GALNT9: variants seen among roughly 807,000 people sequenced by gnomAD.
GALNT9 encodes GalNAc transferase 9.
GALNT9 carries 47 observed loss-of-function variants against 63.1 expected under a neutral mutation model. The observed-to-expected ratio is 0.75, with a 90% CI of 0.59 to 0.95. The LOEUF (loss-of-function observed/expected upper bound fraction) is 0.95. Among genes scored for constraint, GALNT9 ranks in the 40% least tolerant of loss-of-function variants. The pLI, the probability that GALNT9 is intolerant of heterozygous loss-of-function variation, is 0.00. For synonymous variants in GALNT9, 396 were observed against 365.7 expected (o/e 1.08, Z -0.94); for missense variants, 829 against 874.8 (o/e 0.95, Z 0.66).
chr12:132,213,767 A>C (rs1367066632), intron 6 of GALNT9, among the ~76,000 whole-genome samples: 4 of 152,226 alleles, frequency 2.6e-5, no homozygotes, highest in Non-Finnish European at 5.9e-5. Context: ...TCCAGGTGGC[A>C]CCGGGGACCT....
intron 1 of GALNT9, among the ~76,000 whole-genome samples, chr12:132,317,807 G>C (rs1421413188): frequency 6.6e-6 from 1 of 152,218 alleles, no homozygotes; most frequent in Non-Finnish European, 1.5e-5. Context: ...AGGGGTATCG[G>C]TGGGGCTGCA....
At chr12:132,322,665 G>T (rs782767554) in intron 1 of GALNT9, among the ~76,000 whole-genome samples, 5 of 152,176 alleles carry the variant, frequency 3.3e-5, no homozygotes, top group African/African-American at 4.8e-5. Context: ...AGGCATGGGA[G>T]GGGGGTTTGC....
At chr12:132,306,018 T>C (rs34633377) in intron 1 of GALNT9, among the ~76,000 whole-genome samples, 72,639 of 151,968 alleles carry the variant, frequency 0.48, 18,376 homozygotes, top group African/African-American at 0.66. Context: ...GGGGGGCTCA[T>C]GGCGGGGCCC....
intron 9 of GALNT9, among the ~76,000 whole-genome samples, chr12:132,198,442 G>GCCT (rs1181654911): frequency 3.3e-5 from 5 of 150,648 alleles, no homozygotes; most frequent in South Asian, 2.1e-4. Context: ...CTGGGGCTGG[G>GCCT]GCTGGGCCTG....
rs958908187 is a variant in GALNT9 at position 132,296,132 on chromosome 12, G to A, written c.239-9702C>T. Reference sequence around the variant, plus strand: ...AACAGGGAGAGCCTCTGAACAGGGAGAGCCTCTGAACAGGGACGGCCTCCG... The same window carrying A: ...AACAGGGAGAGCCTCTGAACAGGGAAAGCCTCTGAACAGGGACGGCCTCCG... On this transcript the variant is annotated intron_variant, in intron 1 of 10. Coordinates refer to ENST00000328957, the MANE Select transcript of GALNT9 (RefSeq NM_001122636.2). The surrounding 1 kb of genome is among the most constrained non-coding windows in gnomAD (Gnocchi z 4.2). Among the ~76,000 whole-genome samples, 21 of 150,486 alleles carry A rather than the reference G, an allele frequency of 1.4e-4. No homozygotes were observed. Among genetic ancestry groups the A allele is most frequent in the Non-Finnish European group, 2.5e-4 (17 of 67,510 alleles).
At chr12:132,277,662 C>T (rs1341786046) in intron 2 of GALNT9, 1 of 152,306 alleles carries the variant, frequency 6.6e-6, no homozygotes, top group Non-Finnish European at 1.5e-5. Flanking sequence ...CCCCGCGGCC[C>T]CGGCTCTGCT....
intron 1 of GALNT9, among the ~76,000 whole-genome samples, chr12:132,301,759 C>A (rs1555243859): frequency 6.6e-6 from 1 of 152,246 alleles, no homozygotes; most frequent in Non-Finnish European, 1.5e-5. Context: ...CCTTCATGAC[C>A]CTGGACAGGG....
intron 1 of GALNT9, among the ~76,000 whole-genome samples, chr12:132,311,349 C>T (rs1049496445): frequency 2.0e-5 from 3 of 152,132 alleles, no homozygotes; most frequent in Non-Finnish European, 2.9e-5. Flanking sequence ...GCAGCCTCGG[C>T]GTGGTCCAAG....
chr12:132,282,055 G>A lies in GALNT9; in HGVS notation c.419+4195C>T, dbSNP rs111819672. On this transcript the variant is annotated intron_variant, in intron 2 of 10. Coordinates refer to ENST00000328957, the MANE Select transcript of GALNT9 (RefSeq NM_001122636.2). This position sits in a 1 kb window ranked among gnomAD's most constrained non-coding sequence, Gnocchi z 4.5. ...CCACAGAGGAGGAATCAGCTCCACT[G>A]CAGCAAGCCCAGGCCTGGGGGTCCC... is the stretch of plus-strand genomic sequence containing the variant. Among the ~76,000 whole-genome samples the A allele has an allele frequency of 1.5e-3, 161 of 108,128 alleles. No individual in the cohort carries two copies. Among genetic ancestry groups the A allele is most frequent in the African/African-American group, 7.8e-3 (153 of 19,596 alleles). 70.9% of individuals were successfully genotyped at this position (108,128 alleles called of 152,430 possible). A position where few individuals can be genotyped will look rare whatever the true frequency, so the allele number is the denominator to read the frequency against.
chr12:132,295,543 C>A (rs960461162), intron 1 of GALNT9, among the ~76,000 whole-genome samples: 3 of 152,210 alleles, frequency 2.0e-5, no homozygotes, highest in Non-Finnish European at 4.4e-5. Context: ...GAAGATGAGA[C>A]ACAGAGACAC....
intron 6 of GALNT9, chr12:132,240,634 G>C (rs1184595815): frequency 4.4e-6 from 2 of 451,186 alleles, no homozygotes; most frequent in Non-Finnish European, 8.9e-6. Flanking sequence ...TGCTCTATGG[G>C]CCTCGGACCT....
At chr12:132,303,502 C>G (rs1349744822) in intron 1 of GALNT9, among the ~76,000 whole-genome samples, 2,619 of 64,070 alleles carry the variant, frequency 0.041, 320 homozygotes, top group Non-Finnish European at 0.046. Context: ...CCCAGACACA[C>G]CCTCGCCTGG....
intron 5 of GALNT9, among the ~76,000 whole-genome samples, chr12:132,255,802 C>T (rs540807338): frequency 5.9e-5 from 9 of 152,344 alleles, no homozygotes; most frequent in South Asian, 4.1e-4. Context: ...AAGCATGGAA[C>T]GCAGGGGCAC....
rs191542165 is a variant in GALNT9, at chr12:132,328,599, C to A, written c.238+367G>T. On this transcript the variant is annotated intron_variant, in intron 1 of 10. Transcript: ENST00000328957. ...GGTCGGCGCAGCCTAAACCTGACGGCCCCCACTCCTGGAGCGCCAAGCCAG... is the reference window on the plus strand; with the variant it reads ...GGTCGGCGCAGCCTAAACCTGACGGACCCCACTCCTGGAGCGCCAAGCCAG... 6.7e-3 allele frequency among the ~76,000 whole-genome samples: 1,019 copies of A among 152,284 alleles called. 15 individuals carry two copies. Among genetic ancestry groups the A allele is most frequent in the African/African-American group, 0.023 (971 of 41,554 alleles).
intron 1 of GALNT9, among the ~76,000 whole-genome samples, chr12:132,292,566 A>T (rs60546580): frequency 6.6e-6 from 1 of 152,048 alleles, no homozygotes; most frequent in African/African-American, 2.4e-5. Flanking sequence ...CTGGGCCCAA[A>T]CCCCTGGCCC....
intron 7 of GALNT9, among the ~76,000 whole-genome samples, chr12:132,202,864 TGGGAAA>T (rs1565983275): frequency 1.3e-5 from 2 of 152,102 alleles, no homozygotes; most frequent in Non-Finnish European, 2.9e-5. Flanking sequence ...AGGCTCTTTA[TGGGAAA>T]TTACAAATTA....
At chr12:132,324,613 C>T (rs1555246395) in intron 1 of GALNT9, among the ~76,000 whole-genome samples, 1 of 152,218 alleles carries the variant, frequency 6.6e-6, no homozygotes, top group East Asian at 1.9e-4. Flanking sequence ...AGTCTGCCTG[C>T]TGCTGAAGCA....
intron 6 of GALNT9, among the ~76,000 whole-genome samples, chr12:132,204,342 G>C: frequency 6.6e-6 from 1 of 152,132 alleles, no homozygotes; most frequent in South Asian, 2.1e-4. Flanking sequence ...TGTCCTGCCT[G>C]TGAGGGTTGG....
In GALNT9 at chr12:132,196,888, C is replaced by T; in HGVS notation, c.*219G>A. ...TGGCATCACTGTCCCCAGACGCCCT[C>T]CCTCGGGTAGAGCCGCCTGTCCTAG... is the stretch of plus-strand genomic sequence containing the variant. On this transcript the variant is annotated 3_prime_UTR_variant, in exon 11 of 11. Transcript: ENST00000328957. 1 of 1,386,876 alleles carries T rather than the reference C, an allele frequency of 7.2e-7. No individual in the cohort carries two copies. Among genetic ancestry groups the T allele is most frequent in the South Asian group, 1.6e-5 (1 of 61,496 alleles). 85.9% of individuals were successfully genotyped at this position (1,386,876 alleles called of 1,614,324 possible). A position where few individuals can be genotyped will look rare whatever the true frequency, so the allele number is the denominator to read the frequency against.
Sources: allele counts gnomAD v4.1 joint callset (sites outside exome capture counted in the v4.1 genomes callset), GRCh38; gene constraint gnomAD v4.1.1; non-coding constraint Gnocchi (gnomAD v3.1); transcripts MANE v1.5; gene names NCBI Gene and HGNC (gene_info 2026-07-23, HGNC 2026-07-21).